DNAH11: variants seen among roughly 807,000 people sequenced by gnomAD.
DNAH11 encodes the protein dynein axonemal heavy chain 11, also known as axonemal beta dynein heavy chain 11.
In DNAH11, 442 loss-of-function variants were observed where a neutral mutation model predicts 526.0. That is an observed-to-expected ratio of 0.84 (90% CI 0.78 to 0.91). The LOEUF (loss-of-function observed/expected upper bound fraction) is 0.91, where lower values mean the gene tolerates loss of function less well. Ranked by LOEUF, DNAH11 falls within the 40% of genes least tolerant of loss-of-function variation. The pLI is 0.00. For missense variants in DNAH11, 6,989 were observed against 5,448.7 expected, an observed-to-expected ratio of 1.28 and a Z score of -8.90; for synonymous variants, 2,461 against 1,935.9, an observed-to-expected ratio of 1.27 and a Z score of -7.12.
intron 18 of DNAH11, among the ~76,000 whole-genome samples, chr7:21,603,986 G>T (rs1296354128): frequency 6.6e-6 from 1 of 152,128 alleles, no homozygotes; most frequent in Non-Finnish European, 1.5e-5. Context: ...ATTTAGACTT[G>T]TCAGGAGGGA....
chr7:21,564,146 A>G (rs1583484636), intron 5 of DNAH11, 40 bp from the exon 6 acceptor site: 3 of 1,452,590 alleles, frequency 2.1e-6, no homozygotes, highest in South Asian at 1.6e-5. Flanking sequence ...AAAAAAAAAA[A>G]CAAACCAGAA....
chr7:21,789,805 CTTTTT>C (rs60696463), intron 61 of DNAH11, among the ~76,000 whole-genome samples: 36 of 59,672 alleles, frequency 6.0e-4, no homozygotes, highest in African/African-American at 1.9e-3. Flanking sequence ...TTCTTTCTTT[CTTTTT>C]TCTTTCTTTC....
Position 21,738,784 on chromosome 7 carries a change from G to A in DNAH11, c.7729G>A (p.Asp2577Asn), listed in dbSNP as rs770532527. 210 of 1,598,616 alleles carry A rather than the reference G, an allele frequency of 1.3e-4. 1 individual carries two copies. Among genetic ancestry groups the A allele is most frequent in the South Asian group, 3.3e-4 (29 of 87,884 alleles). Residue 2577 changes from aspartate (D) to asparagine (N), a missense_variant, in exon 47 of 82, where the codon GAC becomes AAC. Coordinates refer to ENST00000409508, the MANE Select transcript of DNAH11 (RefSeq NM_001277115.2). ...TAAAAAATTGATTTATTTTATCGAC[G>A]ACATGAACATGCCTGAAGTGGACTT... ...GNKKLIYFIDDMNMPEVDLYG... is the reference protein window; with the variant it reads ...GNKKLIYFIDNMNMPEVDLYG...
In DNAH11 at chr7:21,892,266, A is replaced by G. The variant is rs1312474991; in HGVS notation, c.12508-159A>G. ...CGCAGAGATCAGTCTGGTGTTGCAT[A>G]TAGAGCAAAATTGTTGATTATAAAA... On this transcript the variant is annotated intron_variant, in intron 76 of 81. Coordinates refer to ENST00000409508, the MANE Select transcript of DNAH11 (RefSeq NM_001277115.2). Among the ~76,000 whole-genome samples the G allele has an allele frequency of 2.6e-5, 4 of 152,320 alleles. No individual in the cohort carries two copies. In the East Asian group the frequency reaches 5.8e-4, roughly 22 times the overall value.
At chr7:21,654,340 G>T (rs141507483) in intron 28 of DNAH11, among the ~76,000 whole-genome samples, 1 of 152,096 alleles carries the variant, frequency 6.6e-6, no homozygotes, top group Non-Finnish European at 1.5e-5. Flanking sequence ...AAGATACGAC[G>T]TGTGGTATAT....
intron 73 of DNAH11, among the ~76,000 whole-genome samples, chr7:21,872,123 C>CAAAAAAAAAAAAAAA (rs776718319): frequency 0.019 from 580 of 30,818 alleles, 165 homozygotes; most frequent in Non-Finnish European, 0.026. Context: ...GACTCTGTCT[C>CAAAAAAAAAAAAAAA]AAAAAAAAAA....
chr7:21,649,228 T>C (rs539168611), intron 28 of DNAH11, among the ~76,000 whole-genome samples: 1 of 152,322 alleles, frequency 6.6e-6, no homozygotes, highest in African/African-American at 2.4e-5. Context: ...GGAAAACTGT[T>C]TAACAGCATT....
chr7:21,842,330 A>G (rs189997826), intron 65 of DNAH11, among the ~76,000 whole-genome samples: 29 of 152,332 alleles, frequency 1.9e-4, no homozygotes, highest in Admixed American at 1.2e-3. Flanking sequence ...ATTATTGTCA[A>G]TATTTCACAT....
intron 65 of DNAH11, among the ~76,000 whole-genome samples, chr7:21,826,231 T>TGATAA (rs1386527081): frequency 6.6e-6 from 1 of 152,124 alleles, no homozygotes; most frequent in Non-Finnish European, 1.5e-5. Context: ...TATTTTTGCC[T>TGATAA]GATAAGAAGT....
intron 68 of DNAH11, among the ~76,000 whole-genome samples, chr7:21,858,350 G>A (rs1469272517): frequency 1.3e-5 from 2 of 152,146 alleles, no homozygotes; most frequent in East Asian, 3.9e-4. Flanking sequence ...TAGAAAATAT[G>A]ATCTCACACT....
chr7:21,691,640 A>G (rs1392742009), intron 35 of DNAH11, among the ~76,000 whole-genome samples: 1 of 152,180 alleles, frequency 6.6e-6, no homozygotes, highest in Non-Finnish European at 1.5e-5. Flanking sequence ...TTTATAATTT[A>G]TATTTTGTGG....
intron 61 of DNAH11, among the ~76,000 whole-genome samples, chr7:21,793,164 C>G (rs533571278): frequency 6.6e-6 from 1 of 152,224 alleles, no homozygotes; most frequent in South Asian, 2.1e-4. Context: ...TTCCTGTGTT[C>G]GTATAGTTGC....
rs368786813 is a variant in DNAH11, at chr7:21,738,307, C to T, written c.7646-394C>T. ...GAGACTTTCCTGAGCTGTTCTCAGA[C>T]TCTTCCGCAGAGATGACAGAGAAGA... is the stretch of plus-strand genomic sequence containing the variant. On this transcript the variant is annotated intron_variant, in intron 46 of 81. Transcript: ENST00000409508. 8.5e-5 allele frequency among the ~76,000 whole-genome samples: 13 copies of T among 152,298 alleles called. No individual in the cohort carries two copies. The East Asian group carries it at 1.9e-3, about 23-fold the overall frequency.
intron 4 of DNAH11, among the ~76,000 whole-genome samples, chr7:21,560,408 TGAG>T (rs1783406793): frequency 6.6e-6 from 1 of 152,122 alleles, no homozygotes; most frequent in South Asian, 2.1e-4. Flanking sequence ...TGTCTGTAGT[TGAG>T]GAGCAAGGGA....
At position 21,894,418 on chromosome 7, in the gene DNAH11, A is replaced by T. The variant is rs185192119; in HGVS notation, c.12751-205A>T. ...GAAGGGGAAGTGCTGGCACTGGTACAGAGGCACCAATGAGGCAGCTGAGGG... is the reference window on the plus strand; with the variant it reads ...GAAGGGGAAGTGCTGGCACTGGTACTGAGGCACCAATGAGGCAGCTGAGGG... On this transcript the variant is annotated intron_variant, in intron 77 of 81. Transcript: ENST00000409508. Among the ~76,000 whole-genome samples the T allele has an allele frequency of 4.7e-4, 71 of 152,352 alleles. 1 individual carries two copies. The highest frequency in any genetic ancestry group is 4.6e-3 in the Admixed American group (71 of 15,306).
intron 36 of DNAH11, among the ~76,000 whole-genome samples, chr7:21,700,512 C>T (rs867757453): frequency 5.3e-5 from 8 of 152,164 alleles, no homozygotes; most frequent in African/African-American, 7.2e-5. Flanking sequence ...GCATCCACTC[C>T]TTTTATTGTT....
chr7:21,875,700 T>A (rs1783677389), intron 74 of DNAH11, among the ~76,000 whole-genome samples: 1 of 152,002 alleles, frequency 6.6e-6, no homozygotes, highest in African/African-American at 2.4e-5. Context: ...TTGCATATAA[T>A]GATAAAGATT....
At chr7:21,715,981 C>T (rs1259927727) in intron 42 of DNAH11, among the ~76,000 whole-genome samples, 2 of 151,778 alleles carry the variant, frequency 1.3e-5, no homozygotes, top group Non-Finnish European at 2.9e-5. Context: ...GCAAAAGCAT[C>T]ATTTGCTAGT....
intron 28 of DNAH11, among the ~76,000 whole-genome samples, chr7:21,647,563 A>G (rs185100183): frequency 0.018 from 2,693 of 150,950 alleles, 225 homozygotes; most frequent in Admixed American, 0.15. Flanking sequence ...CTGAGTAGCT[A>G]GGACTACAGG....
Sources: allele counts gnomAD v4.1 joint callset (sites outside exome capture counted in the v4.1 genomes callset), GRCh38; gene constraint gnomAD v4.1.1; transcripts MANE v1.5; gene names NCBI Gene and HGNC (gene_info 2026-07-23, HGNC 2026-07-21).